C7orf78: variants seen among roughly 807,000 people sequenced by gnomAD.
The protein encoded by C7orf78 is putative uncharacterized protein C7orf78.
the C7orf78 span, among the ~76,000 whole-genome samples, chr7:12,527,627 G>A: frequency 1.5e-5 from 2 of 131,392 alleles, no homozygotes; most frequent in East Asian, 4.8e-4. Flanking sequence ...CCATCTAGCT[G>A]TGTAATTGAA....
chr7:12,506,996 T>G, the C7orf78 span: 1 of 460,850 alleles, frequency 2.2e-6, no homozygotes, highest in South Asian at 1.5e-5. Context: ...AACCAAAGAT[T>G]AAGGGCCAAA....
the C7orf78 span, among the ~76,000 whole-genome samples, chr7:12,524,011 A>G: frequency 6.6e-6 from 1 of 152,216 alleles, no homozygotes; most frequent in Non-Finnish European, 1.5e-5. Flanking sequence ...AATTTAGAAC[A>G]TAAATGTGAC....
the C7orf78 span, among the ~76,000 whole-genome samples, chr7:12,484,538 C>A: frequency 2.0e-5 from 3 of 152,226 alleles, no homozygotes; most frequent in East Asian, 5.8e-4. Context: ...TTATTTAATT[C>A]TACCCTATTT....
the C7orf78 span, chr7:12,487,194 T>C: frequency 2.0e-5 from 3 of 152,048 alleles, no homozygotes; most frequent in Non-Finnish European, 4.4e-5. Flanking sequence ...TTTTGGCAGC[T>C]TGGAATATGA....
chr7:12,523,352 A>G, the C7orf78 span: 1 of 398,432 alleles, frequency 2.5e-6, no homozygotes, highest in Non-Finnish European at 4.4e-6. Context: ...ACAAAAAGCA[A>G]AGTTAATGTT....
chr7:12,519,684 G>A, the C7orf78 span, among the ~76,000 whole-genome samples: 2 of 152,286 alleles, frequency 1.3e-5, no homozygotes, highest in South Asian at 4.1e-4. Context: ...GTGCCCAGTG[G>A]CCACCTCCTT....
the C7orf78 span, among the ~76,000 whole-genome samples, chr7:12,488,803 G>A: frequency 6.6e-6 from 1 of 152,002 alleles, no homozygotes; most frequent in South Asian, 2.1e-4. Context: ...GCATTCTGAG[G>A]TAGCTGTTGT....
the C7orf78 span, among the ~76,000 whole-genome samples, chr7:12,521,531 T>A: frequency 1.3e-5 from 2 of 152,036 alleles, no homozygotes; most frequent in African/African-American, 4.8e-5. Flanking sequence ...AAGCTCAAGA[T>A]ATTAGATTTG....
the C7orf78 span, among the ~76,000 whole-genome samples, chr7:12,526,364 T>C: frequency 6.6e-6 from 1 of 152,138 alleles, no homozygotes; most frequent in Non-Finnish European, 1.5e-5. Flanking sequence ...CATACACACA[T>C]GCATGCTATA....
chr7:12,509,926 T>A, the C7orf78 span, among the ~76,000 whole-genome samples: 4 of 151,708 alleles, frequency 2.6e-5, no homozygotes, highest in African/African-American at 9.7e-5. Context: ...CCCAGCTACT[T>A]TGGAGGCTGA....
the C7orf78 span, among the ~76,000 whole-genome samples, chr7:12,531,898 A>T: frequency 6.6e-6 from 1 of 152,282 alleles, no homozygotes; most frequent in East Asian, 1.9e-4. Context: ...AAGTAGGCCT[A>T]CTGCAGCAGA....
the C7orf78 span, among the ~76,000 whole-genome samples, chr7:12,512,027 G>A: frequency 1.4e-5 from 2 of 147,192 alleles, no homozygotes; most frequent in South Asian, 2.1e-4. Context: ...CACCCTCCTT[G>A]GCCTCCCAAA....
chr7:12,528,770 G>C, the C7orf78 span: 1 of 393,540 alleles, frequency 2.5e-6, no homozygotes, highest in Admixed American at 4.4e-5. Flanking sequence ...GTTTTGTTTA[G>C]ATTTACATCT....
chr7:12,496,145 T>A, the C7orf78 span, among the ~76,000 whole-genome samples: 1 of 152,148 alleles, frequency 6.6e-6, no homozygotes, highest in African/African-American at 2.4e-5. Context: ...CAGGATGGTC[T>A]CGATCTCCTG....
chr7:12,521,568 C>G, the C7orf78 span, among the ~76,000 whole-genome samples: 3 of 151,062 alleles, frequency 2.0e-5, no homozygotes, highest in African/African-American at 4.9e-5. Flanking sequence ...AACAACCTCC[C>G]TTTCTCATCT....
chr7:12,528,695 T>C, the C7orf78 span, among the ~76,000 whole-genome samples: 1 of 152,210 alleles, frequency 6.6e-6, no homozygotes, highest in East Asian at 1.9e-4. Flanking sequence ...AAAGGTGGGA[T>C]TGGAGTTGGA....
At chr7:12,517,819 A>G in the C7orf78 span, among the ~76,000 whole-genome samples, 9 of 152,152 alleles carry the variant, frequency 5.9e-5, no homozygotes, top group East Asian at 1.7e-3. Flanking sequence ...GTTTTTCAGC[A>G]TTCTCCTGTA....
At chr7:12,538,118 A>G in the C7orf78 span, among the ~76,000 whole-genome samples, 17 of 152,178 alleles carry the variant, frequency 1.1e-4, no homozygotes, top group Non-Finnish European at 2.5e-4. Flanking sequence ...CCATAGAAAT[A>G]TTTATTTAAT....
At chr7:12,514,812 T>A in the C7orf78 span, among the ~76,000 whole-genome samples, 1 of 151,942 alleles carries the variant, frequency 6.6e-6, no homozygotes, top group South Asian at 2.1e-4. Context: ...AGAACCAGTC[T>A]AGTGATGATG....
Sources: allele counts gnomAD v4.1 joint callset (sites outside exome capture counted in the v4.1 genomes callset), GRCh38; gene constraint gnomAD v4.1.1; transcripts MANE v1.5; gene names NCBI Gene and HGNC (gene_info 2026-07-23, HGNC 2026-07-21).